MTHFD1L: variants seen among roughly 807,000 people sequenced by gnomAD.
MTHFD1L encodes monofunctional C1-tetrahydrofolate synthase, mitochondrial.
Under a neutral mutation model 119.5 loss-of-function variants are expected in MTHFD1L, and 81 were observed. That is an observed-to-expected ratio of 0.68 (90% CI 0.57 to 0.82). The LOEUF (loss-of-function observed/expected upper bound fraction) is 0.82. Among genes scored for constraint, MTHFD1L ranks in the 40% least tolerant of loss-of-function variants. The pLI, the probability that MTHFD1L is intolerant of heterozygous loss-of-function variation, is 0.00. For missense variants in MTHFD1L, 1,125 were observed against 1,253.4 expected (o/e 0.90, Z 1.55); for synonymous variants, 430 against 475.2 (o/e 0.90, Z 1.24).
chr6:150,919,922 G>A (rs1788616921), intron 9 of MTHFD1L, among the ~76,000 whole-genome samples: 1 of 152,186 alleles, frequency 6.6e-6, no homozygotes, highest in African/African-American at 2.4e-5. Context: ...GTCAGCTGGG[G>A]CTGCAGTCAT....
In MTHFD1L at chr6:150,882,757, T is replaced by G. The variant is rs1781578982; in HGVS notation, c.418-5T>G. 6.7e-7 allele frequency: 1 copy of G among 1,482,298 alleles called. No homozygotes were observed. Among genetic ancestry groups the G allele is most frequent in the African/African-American group, 1.5e-5 (1 of 67,906 alleles). The allele number at this position is 1,482,298 out of a possible 1,614,324, so 91.8% of individuals were successfully genotyped here. A position where few individuals can be genotyped will look rare whatever the true frequency, so the allele number is the denominator to read the frequency against. On this transcript the variant is annotated splice_polypyrimidine_tract_variant and splice_region_variant and intron_variant, in intron 4 of 27. Coordinates refer to ENST00000367321, the MANE Select transcript of MTHFD1L (RefSeq NM_015440.5). ...TTTTATTTTGTTTTTTTGTTTTCTC[T>G]TTAGATTATAGATGAAATCTTAAAG...
At chr6:151,085,343 G>A (rs1793695664) in intron 26 of MTHFD1L, among the ~76,000 whole-genome samples, 3 of 152,144 alleles carry the variant, frequency 2.0e-5, no homozygotes, top group Non-Finnish European at 4.4e-5. Context: ...CATAGCTTGA[G>A]CTCTGTAGTA....
At chr6:150,982,100 AAG>A (rs562014750) in intron 20 of MTHFD1L, among the ~76,000 whole-genome samples, 8 of 151,050 alleles carry the variant, frequency 5.3e-5, no homozygotes, top group Admixed American at 1.3e-4. Flanking sequence ...TCTTGAAAGA[AAG>A]AGAGAGAGAG....
At chr6:150,952,151 C>A (rs1478771161) in intron 16 of MTHFD1L, among the ~76,000 whole-genome samples, 1 of 152,100 alleles carries the variant, frequency 6.6e-6, no homozygotes, top group African/African-American at 2.4e-5. Context: ...TTACAAAATT[C>A]TTCCGGAAAA....
intron 27 of MTHFD1L, among the ~76,000 whole-genome samples, chr6:151,101,023 G>A (rs977488635): frequency 3.9e-5 from 6 of 152,194 alleles, no homozygotes; most frequent in African/African-American, 7.2e-5. Context: ...GCCGGGCATG[G>A]TGGTGCACAC....
At position 150,945,459 on chromosome 6, in the gene MTHFD1L, GT is replaced by G; in HGVS notation, c.1549-3del. On this transcript the variant is annotated splice_polypyrimidine_tract_variant and splice_region_variant and intron_variant, in intron 14 of 27. Transcript: ENST00000367321. ...TTGTGTGGTCTCATTTTTGTTTTGT[GT>G]TTTTAGGCTCTGTATAATCGGCTGG... The G allele has an allele frequency of 6.2e-7, 1 of 1,609,242 alleles. No homozygotes were observed. Among genetic ancestry groups the G allele is most frequent in the South Asian group, 1.1e-5 (1 of 89,424 alleles).
At chr6:150,929,853 A>G (rs1790710226) in intron 11 of MTHFD1L, among the ~76,000 whole-genome samples, 1 of 144,328 alleles carries the variant, frequency 6.9e-6, no homozygotes, top group Non-Finnish European at 1.5e-5. Context: ...CAAAAATTAA[A>G]TGGCCTGTCT....
chr6:151,056,608 C>CGT (rs1382033083), intron 26 of MTHFD1L, among the ~76,000 whole-genome samples: 9 of 152,194 alleles, frequency 5.9e-5, no homozygotes, highest in Admixed American at 3.9e-4. Context: ...TCTATAACGT[C>CGT]GTGTTCTTGT....
intron 21 of MTHFD1L, 96 bp downstream of exon 21, chr6:151,010,054 A>G (rs1487931898): frequency 7.3e-7 from 1 of 1,372,486 alleles, no homozygotes; most frequent in Non-Finnish European, 9.6e-7. Flanking sequence ...TAATGACTAT[A>G]GTTTTCTAGA....
At chr6:150,884,779 C>T (rs1781947792) in intron 5 of MTHFD1L, among the ~76,000 whole-genome samples, 1 of 152,194 alleles carries the variant, frequency 6.6e-6, no homozygotes, top group South Asian at 2.1e-4. Context: ...CAGGGAAAGG[C>T]ACAGAACCCT....
chr6:150,974,362 G>T (rs118070001), intron 20 of MTHFD1L, among the ~76,000 whole-genome samples: 1 of 152,110 alleles, frequency 6.6e-6, no homozygotes, highest in African/African-American at 2.4e-5. Context: ...ACTGATGAAG[G>T]TTACATTTTC....
At chr6:151,085,782 CAAT>C (rs1302833245) in intron 26 of MTHFD1L, among the ~76,000 whole-genome samples, 6 of 147,672 alleles carry the variant, frequency 4.1e-5, no homozygotes, top group African/African-American at 1.0e-4. Flanking sequence ...AAAAAAAAAA[CAAT>C]GACTTTGACC....
At chr6:151,004,700 T>C (rs1223783390) in intron 20 of MTHFD1L, among the ~76,000 whole-genome samples, 1 of 152,230 alleles carries the variant, frequency 6.6e-6, no homozygotes, top group Non-Finnish European at 1.5e-5. Context: ...TGACCCTTCC[T>C]TTCTCAGCTG....
chr6:150,990,260 G>GAGTGAGATTCCAGCCCGGCGACA (rs1778874204), intron 20 of MTHFD1L, among the ~76,000 whole-genome samples: 3 of 150,902 alleles, frequency 2.0e-5, no homozygotes, highest in Non-Finnish European at 4.4e-5. Context: ...GCCCGGCGAC[G>GAGTGAGATTCCAGCCCGGCGACA]GAGTGAGATT....
At chr6:150,948,400 A>G (rs1207152700) in intron 15 of MTHFD1L, among the ~76,000 whole-genome samples, 1 of 151,102 alleles carries the variant, frequency 6.6e-6, no homozygotes, top group African/African-American at 2.4e-5. Context: ...GCTCATTGCA[A>G]CCTCTGCCTC....
At chr6:150,948,818 T>A (rs1412965190) in intron 15 of MTHFD1L, among the ~76,000 whole-genome samples, 1 of 147,738 alleles carries the variant, frequency 6.8e-6, no homozygotes, top group Admixed American at 6.9e-5. Flanking sequence ...TTTTTGCATT[T>A]TTAGTAGAGA....
intron 13 of MTHFD1L, among the ~76,000 whole-genome samples, chr6:150,941,724 G>C (rs570463842): frequency 6.6e-6 from 1 of 152,254 alleles, no homozygotes; most frequent in South Asian, 2.1e-4. Context: ...GAGAACAGGG[G>C]AGTGATGGTA....
intron 26 of MTHFD1L, among the ~76,000 whole-genome samples, chr6:151,067,948 A>G (rs1469154991): frequency 6.6e-6 from 1 of 152,252 alleles, no homozygotes; most frequent in Non-Finnish European, 1.5e-5. Flanking sequence ...GTGCATGTAA[A>G]CAGAGGGTGG....
chr6:151,013,715 T>A, intron 21 of MTHFD1L, 64 bp from the exon 22 acceptor site: 1 of 1,404,928 alleles, frequency 7.1e-7, no homozygotes, highest in Non-Finnish European at 1.0e-6. Flanking sequence ...TTGTTCTTTC[T>A]TTCAGATCGG....
Sources: gnomAD v4.1 joint callset for allele counts (sites outside exome capture counted in the v4.1 genomes callset) on GRCh38, gnomAD v4.1.1 for gene constraint, MANE v1.5 for transcripts, NCBI Gene and HGNC (gene_info 2026-07-23, HGNC 2026-07-21) for gene names.